Variants in DDX60 observed in about 807,000 individuals in gnomAD.
The protein encoded by DDX60 is probable ATP-dependent RNA helicase DDX60.
DDX60 carries 165 observed loss-of-function variants against 212.8 expected under a neutral mutation model. The ratio of observed to expected loss-of-function variants is 0.78; its 90% CI spans 0.68 to 0.88. The LOEUF (loss-of-function observed/expected upper bound fraction) is 0.88. Ranked by LOEUF, DDX60 falls within the 40% of genes least tolerant of loss-of-function variation. The pLI is 0.00. For missense variants in DDX60, 1,905 were observed against 2,003.9 expected, an observed-to-expected ratio of 0.95 and a Z score of 0.94; for synonymous variants, 703 against 685.3, an observed-to-expected ratio of 1.03 and a Z score of -0.40.
At chr4:168,274,152 T>G in intron 16 of DDX60, 69 bp from the exon 17 acceptor site, 1 of 1,579,426 alleles carries the variant, frequency 6.3e-7, no homozygotes. Flanking sequence ...AGACAGTATT[T>G]ATAGACTTCC....
chr4:168,306,613 C>A lies in DDX60; in HGVS notation c.372G>T (p.Ser124=), dbSNP rs200721426. The change falls in exon 5 of 38, where the codon TCG becomes TCT. Residue 124 remains serine (S), a synonymous_variant. Transcript: ENST00000393743. ...NTTIDVRTTF[S]RCLSKEWGSF... ...TTCCCCACTCTTTTGATAAGCATCT[C>A]GAAAATGTTGTTCGAACATCAATGG... The A allele has an allele frequency of 6.2e-7, 1 of 1,614,046 alleles. No individual in the cohort carries two copies. Among genetic ancestry groups the A allele is most frequent in the South Asian group, 1.1e-5 (1 of 91,074 alleles).
At chr4:168,243,419 A>C (rs1733917989) in intron 30 of DDX60, among the ~76,000 whole-genome samples, 1 of 152,218 alleles carries the variant, frequency 6.6e-6, no homozygotes, top group African/African-American at 2.4e-5. Context: ...TAAGAAAAAA[A>C]CAAACAACCC....
chr4:168,239,683 A>T (rs1733770704), intron 30 of DDX60, among the ~76,000 whole-genome samples: 2 of 152,074 alleles, frequency 1.3e-5, no homozygotes, highest in Non-Finnish European at 2.9e-5. Flanking sequence ...TCTTAGAAGG[A>T]GAAGAAACAG....
In DDX60 at chr4:168,221,877, G is replaced by T. The variant is rs1733063168; in HGVS notation, c.4829C>A (p.Thr1610Asn). 6.2e-7 allele frequency: 1 copy of T among 1,609,122 alleles called. No individual in the cohort carries two copies. The highest frequency in any genetic ancestry group is 8.5e-7 in the Non-Finnish European group (1 of 1,176,850). Residue 1610 changes from threonine to asparagine, a missense_variant, in exon 36 of 38, where the codon ACT (threonine) becomes AAT (asparagine). Transcript: ENST00000393743. ...LLRLETPNHVTLGTIGVNRSQ... is the reference protein window; with the variant it reads ...LLRLETPNHVNLGTIGVNRSQ... ...GCGATTGACACCGATTGTGCCTAGA[G>T]TAACCTGAAAAAATACGATTATTCT... is the stretch of plus-strand genomic sequence containing the variant.
chr4:168,299,517 C>A (rs1736559540), intron 6 of DDX60, among the ~76,000 whole-genome samples: 1 of 151,560 alleles, frequency 6.6e-6, no homozygotes, highest in African/African-American at 2.4e-5. Context: ...AATCAAAATT[C>A]TTGGTTTTAA....
chr4:168,233,430 T>C (rs911597786), intron 33 of DDX60, among the ~76,000 whole-genome samples: 29 of 152,066 alleles, frequency 1.9e-4, no homozygotes, highest in African/African-American at 7.0e-4. Context: ...GCAGCACAAT[T>C]TGCAATTACA....
intron 35 of DDX60, among the ~76,000 whole-genome samples, chr4:168,223,191 T>A (rs1733124549): frequency 1.3e-5 from 2 of 152,040 alleles, no homozygotes; most frequent in Non-Finnish European, 2.9e-5. Context: ...AGTACACAGA[T>A]CCTTAGTACA....
In DDX60 at chr4:168,237,784, C is replaced by T. The variant is rs764138919; in HGVS notation, c.4176G>A (p.Val1392=). 3.0e-5 allele frequency: 48 copies of T among 1,605,578 alleles called. No homozygotes were observed. In the Admixed American group the frequency reaches 7.8e-4, roughly 26 times the overall value. The change falls in exon 31 of 38, where the codon GTG becomes GTA. Residue 1392 remains valine (V), a synonymous_variant. Transcript: ENST00000393743. The part of the protein sequence containing the change: ...PEDAKAKVLS[V]LKHSLLSFKQ... ...TGAAGGACAGCAATGAATGCTTTAG[C>T]ACTGATAGCACCTTTAAAGAAAAGA...
chr4:168,289,803 C>A lies in DDX60; in HGVS notation c.1042-1488G>T, dbSNP rs547613281. On this transcript the variant is annotated intron_variant, in intron 8 of 37. Transcript: ENST00000393743. ...TCGTTACCCATATTCAATCACTAAACTTGTCATTCTTCACCTTAAATAACT... is the reference window on the plus strand; with the variant it reads ...TCGTTACCCATATTCAATCACTAAAATTGTCATTCTTCACCTTAAATAACT... Among the ~76,000 whole-genome samples, 12 of 152,274 alleles carry A rather than the reference C, an allele frequency of 7.9e-5. 1 individual carries two copies. The highest frequency in any genetic ancestry group is 2.9e-4 in the African/African-American group (12 of 41,554).
intron 15 of DDX60, 34 bp downstream of exon 15, chr4:168,275,980 AC>A: frequency 6.5e-7 from 1 of 1,548,218 alleles, no homozygotes; most frequent in Non-Finnish European, 8.8e-7. Context: ...CCTAATAATT[AC>A]CCTGTTGAAA....
At chr4:168,285,742 G>A (rs1046488773) in intron 10 of DDX60, among the ~76,000 whole-genome samples, 2 of 151,654 alleles carry the variant, frequency 1.3e-5, no homozygotes, top group African/African-American at 4.8e-5. Context: ...ATGGGTGGGT[G>A]GATATGCATG....
chr4:168,297,281 G>GAC (rs1560869773), intron 6 of DDX60, among the ~76,000 whole-genome samples: 10 of 127,982 alleles, frequency 7.8e-5, no homozygotes, highest in African/African-American at 3.4e-4. Flanking sequence ...AAGAAAGAAA[G>GAC]AAAGAGAGAG....
chr4:168,288,590 A>G (rs1271446674), intron 8 of DDX60, among the ~76,000 whole-genome samples: 1 of 152,234 alleles, frequency 6.6e-6, no homozygotes, highest in Non-Finnish European at 1.5e-5. Flanking sequence ...TTTTTCTCAC[A>G]CTGTTACCCA....
chr4:168,224,435 G>A, intron 34 of DDX60, 50 bp from the exon 35 acceptor site: 1 of 1,571,016 alleles, frequency 6.4e-7, no homozygotes, highest in East Asian at 2.3e-5. Context: ...CAGTCAAATT[G>A]TCAAACCTCA....
intron 27 of DDX60, among the ~76,000 whole-genome samples, chr4:168,251,736 A>G (rs142751771): frequency 3.9e-5 from 6 of 152,222 alleles, no homozygotes; most frequent in Non-Finnish European, 5.9e-5. Context: ...ATACATGGTT[A>G]TAAAAAATAA....
In DDX60 at chr4:168,273,404, T is replaced by C. The variant is rs1176354311; in HGVS notation, c.2455-6A>G. On this transcript the variant is annotated splice_region_variant and splice_polypyrimidine_tract_variant and intron_variant, in intron 17 of 37. Coordinates refer to ENST00000393743, the MANE Select transcript of DDX60 (RefSeq NM_017631.6). ...GCCACTTGATTAACAAGGGCCTGAT[T>C]GACAAAGAAAAAGATCCATTAGTCA... 2.5e-6 allele frequency: 4 copies of C among 1,613,036 alleles called. No homozygotes were observed. In the Admixed American group the frequency reaches 6.7e-5, roughly 27 times the overall value.
intron 6 of DDX60, among the ~76,000 whole-genome samples, chr4:168,300,580 A>ATGTGTG (rs59696275): frequency 0.024 from 3,452 of 146,364 alleles, 68 homozygotes; most frequent in East Asian, 0.086. Context: ...TAACACCAGA[A>ATGTGTG]TGTGTGTGTG....
chr4:168,278,178 A>G (rs1018824138), intron 14 of DDX60, among the ~76,000 whole-genome samples: 1 of 152,258 alleles, frequency 6.6e-6, no homozygotes, highest in South Asian at 2.1e-4. Flanking sequence ...TCTTGACTTA[A>G]TAAGTGAAGA....
At chr4:168,321,037 A>C (rs1737601325), upstream of DDX60, among the ~76,000 whole-genome samples, 1 of 152,108 alleles carries the variant, frequency 6.6e-6, no homozygotes, top group South Asian at 2.1e-4. Flanking sequence ...AGTTGTTTCG[A>C]CTTTCAGTGA....
Sources: allele counts gnomAD v4.1 joint callset (sites outside exome capture counted in the v4.1 genomes callset), GRCh38; gene constraint gnomAD v4.1.1; transcripts MANE v1.5; gene names NCBI Gene and HGNC (gene_info 2026-07-23, HGNC 2026-07-21).